Variants in RORB observed in about 807,000 individuals in gnomAD.
RORB encodes the protein nuclear receptor ROR-beta.
RORB carries 6 observed loss-of-function variants against 59.1 expected under a neutral mutation model. The observed-to-expected ratio is 0.10, with a 90% CI of 0.06 to 0.20. The LOEUF (loss-of-function observed/expected upper bound fraction) is 0.20, where lower values mean the gene tolerates loss of function less well. Ranked by LOEUF, RORB falls within the 10% of genes least tolerant of loss-of-function variation. RORB has a pLI of 1.00. For missense variants in RORB, 320 were observed against 560.5 expected (o/e 0.57, Z 4.33); for synonymous variants, 215 against 204.5 (o/e 1.05, Z -0.44).
At chr9:74,535,186 G>A (rs565757063) in intron 1 of RORB, among the ~76,000 whole-genome samples, 58 of 152,040 alleles carry the variant, frequency 3.8e-4, no homozygotes, top group African/African-American at 1.4e-3. Context: ...GTGTGTCTGT[G>A]TGTACAACAT....
chr9:74,659,593 C>G (rs142332316), intron 4 of RORB, among the ~76,000 whole-genome samples: 1,820 of 152,126 alleles, frequency 0.012, 45 homozygotes, highest in African/African-American at 0.042. Context: ...CAGGTTCAAG[C>G]GATTCTCCTG....
At chr9:74,561,714 C>T (rs1240014312) in intron 1 of RORB, among the ~76,000 whole-genome samples, 1 of 152,084 alleles carries the variant, frequency 6.6e-6, no homozygotes, top group East Asian at 1.9e-4. Context: ...GTGATCAAAA[C>T]CAGGAAATTA....
At chr9:74,627,404 ATGTTG>A (rs1436715834) in intron 1 of RORB, among the ~76,000 whole-genome samples, 1 of 152,186 alleles carries the variant, frequency 6.6e-6, no homozygotes, top group East Asian at 1.9e-4. Flanking sequence ...CTCTTTAAAA[ATGTTG>A]TTAAGATGTT....
intron 1 of RORB, among the ~76,000 whole-genome samples, chr9:74,598,291 T>G (rs745340859): frequency 7.2e-5 from 11 of 152,088 alleles, no homozygotes; most frequent in East Asian, 3.9e-4. Context: ...TAGGAGATCA[T>G]CTTTTTTAGG....
At chr9:74,551,238 A>G (rs1826603513) in intron 1 of RORB, among the ~76,000 whole-genome samples, 1 of 152,232 alleles carries the variant, frequency 6.6e-6, no homozygotes, top group African/African-American at 2.4e-5. Context: ...TATATACAGT[A>G]TGATTTTTCC....
rs1488047079 is a variant in RORB, at chr9:74,527,793, C to G, written c.7+29810C>G. ...TTCAAATCTGTTTTGTCACTACAAA[C>G]GAGCCCAGGCTTTGACTAAGAATGT... On this transcript the variant is annotated intron_variant, in intron 1 of 9. Coordinates refer to ENST00000376896, the MANE Select transcript of RORB (RefSeq NM_006914.4). Among the ~76,000 whole-genome samples the G allele has an allele frequency of 2.0e-5, 3 of 152,102 alleles. No homozygotes were observed. The East Asian group carries it at 5.8e-4, about 30-fold the overall frequency.
chr9:74,600,063 T>C (rs781010277), intron 1 of RORB, among the ~76,000 whole-genome samples: 3 of 152,160 alleles, frequency 2.0e-5, no homozygotes, highest in Non-Finnish European at 1.5e-5. Flanking sequence ...ACCAGACTTA[T>C]AAGGACTAGT....
intron 1 of RORB, among the ~76,000 whole-genome samples, chr9:74,507,379 CT>C (rs1202444188): frequency 6.6e-6 from 1 of 152,062 alleles, no homozygotes; most frequent in African/African-American, 2.4e-5. Flanking sequence ...GTAATTTGCT[CT>C]GAGAACATGA....
Position 74,622,252 on chromosome 9 carries a change from A to G in RORB, c.8-8030A>G, listed in dbSNP as rs146924032. ...GGCTAGAGAAAGGGGTTTAGAAAAA[A>G]AATAAGGAACTAAAGAGAGACGAGT... On this transcript the variant is annotated intron_variant, in intron 1 of 9. Coordinates refer to ENST00000376896, the MANE Select transcript of RORB (RefSeq NM_006914.4). Among the ~76,000 whole-genome samples, 1,079 of 152,298 alleles carry G rather than the reference A, an allele frequency of 7.1e-3. 9 individuals carry two copies. Among genetic ancestry groups the G allele is most frequent in the Middle Eastern group, 0.017 (5 of 294 alleles).
At chr9:74,551,019 C>CT (rs1563935100) in intron 1 of RORB, among the ~76,000 whole-genome samples, 1 of 152,006 alleles carries the variant, frequency 6.6e-6, no homozygotes, top group Admixed American at 6.6e-5. Flanking sequence ...TTTCTTTTTA[C>CT]TTTTTTTAAT....
chr9:74,568,942 CAAA>C (rs1822509743), intron 1 of RORB, among the ~76,000 whole-genome samples: 1 of 151,858 alleles, frequency 6.6e-6, no homozygotes, highest in Non-Finnish European at 1.5e-5. Context: ...ATCATACACT[CAAA>C]AAAGCCCTTA....
intron 1 of RORB, among the ~76,000 whole-genome samples, chr9:74,582,691 T>C (rs1327739765): frequency 1.3e-5 from 2 of 152,172 alleles, no homozygotes; most frequent in Non-Finnish European, 2.9e-5. Flanking sequence ...ACTGCTCCTC[T>C]GGACAGAGCA....
chr9:74,618,587 A>G (rs919811583), intron 1 of RORB, among the ~76,000 whole-genome samples: 1 of 152,026 alleles, frequency 6.6e-6, no homozygotes, highest in African/African-American at 2.4e-5. Context: ...TTTCTTTGCC[A>G]CCAACCAGAA....
At chr9:74,537,919 C>T (rs937777154) in intron 1 of RORB, among the ~76,000 whole-genome samples, 1 of 152,004 alleles carries the variant, frequency 6.6e-6, no homozygotes, top group Admixed American at 6.6e-5. Context: ...TATACAGTAA[C>T]GTCCTAGGCC....
At chr9:74,596,511 G>T (rs181625988) in intron 1 of RORB, among the ~76,000 whole-genome samples, 3 of 152,244 alleles carry the variant, frequency 2.0e-5, no homozygotes, top group Admixed American at 6.5e-5. Context: ...GTAACTCCAT[G>T]GGTCTTGATC....
chr9:74,551,767 GC>G (rs1301536533), intron 1 of RORB, among the ~76,000 whole-genome samples: 3 of 152,142 alleles, frequency 2.0e-5, no homozygotes, highest in Non-Finnish European at 4.4e-5. Flanking sequence ...TCTCAGGAAT[GC>G]AAAAGTTTGT....
At chr9:74,583,750 T>C (rs1485063156) in intron 1 of RORB, among the ~76,000 whole-genome samples, 4 of 152,092 alleles carry the variant, frequency 2.6e-5, no homozygotes, top group African/African-American at 7.2e-5. Context: ...ATCTAAGGAG[T>C]AAATATTATT....
At chr9:74,558,192 C>A (rs1416537067) in intron 1 of RORB, among the ~76,000 whole-genome samples, 1 of 152,100 alleles carries the variant, frequency 6.6e-6, no homozygotes, top group Non-Finnish European at 1.5e-5. Context: ...TTTGAATTCT[C>A]ACAGCCCTCA....
rs1423802709 is a variant in RORB, at chr9:74,519,379, A to G, written c.7+21396A>G. On this transcript the variant is annotated intron_variant, in intron 1 of 9. Transcript: ENST00000376896. ...AGATTCTTTAGCCTTTCCTTCAAGT[A>G]CATCTTTCTCCTGAGTACATTTACT... is the stretch of plus-strand genomic sequence containing the variant. Among the ~76,000 whole-genome samples the G allele has an allele frequency of 9.2e-5, 14 of 152,140 alleles. 1 individual carries two copies. In the South Asian group the frequency reaches 2.7e-3, roughly 29 times the overall value.
Sources: allele counts gnomAD v4.1 joint callset (sites outside exome capture counted in the v4.1 genomes callset), GRCh38; gene constraint gnomAD v4.1.1; transcripts MANE v1.5; gene names NCBI Gene and HGNC (gene_info 2026-07-23, HGNC 2026-07-21).